The following CNTNAP2 variants were observed in gnomAD, a reference collection of about 807,000 sequenced individuals.
The protein encoded by CNTNAP2 is contactin-associated protein-like 2.
CNTNAP2 carries 98 observed loss-of-function variants against 155.2 expected under a neutral mutation model. That is an observed-to-expected ratio of 0.63 (90% CI 0.54 to 0.75). CNTNAP2 has a LOEUF of 0.75. Among genes scored for constraint, CNTNAP2 ranks in the 30% least tolerant of loss-of-function variants. The pLI is 0.00. For missense variants in CNTNAP2, 1,727 were observed against 1,688.1 expected, an observed-to-expected ratio of 1.02 and a Z score of -0.40; for synonymous variants, 651 against 631.2, an observed-to-expected ratio of 1.03 and a Z score of -0.47.
At chr7:147,524,246 C>G (rs899738792) in intron 11 of CNTNAP2, among the ~76,000 whole-genome samples, 4 of 152,050 alleles carry the variant, frequency 2.6e-5, no homozygotes, top group Non-Finnish European at 5.9e-5. Context: ...CGTGGCTAGC[C>G]GGGCATGGTG....
intron 8 of CNTNAP2, among the ~76,000 whole-genome samples, chr7:147,149,170 T>C (rs1801776140): frequency 6.6e-6 from 1 of 152,164 alleles, no homozygotes; most frequent in African/African-American, 2.4e-5. Context: ...TTGGCCCATT[T>C]TATGGAGTGC....
intron 3 of CNTNAP2, among the ~76,000 whole-genome samples, chr7:146,904,364 G>A (rs1392437729): frequency 3.9e-5 from 6 of 152,102 alleles, no homozygotes; most frequent in South Asian, 4.1e-4. Flanking sequence ...CTGTAATCTC[G>A]CCACGAAATG....
In CNTNAP2 at chr7:148,229,629, T is replaced by C; in HGVS notation, c.3248-17T>C. On this transcript the variant is annotated splice_polypyrimidine_tract_variant and intron_variant, in intron 19 of 23. Coordinates refer to ENST00000361727, the MANE Select transcript of CNTNAP2 (RefSeq NM_014141.6). ...TTAGGGCAAACAAATTACTGAGCTT[T>C]CTTTTTTCTTCTATAGGAAGCTTAC... 6.2e-7 allele frequency: 1 copy of C among 1,614,082 alleles called. No homozygotes were observed. Among genetic ancestry groups the C allele is most frequent in the Non-Finnish European group, 8.5e-7 (1 of 1,179,980 alleles).
chr7:147,305,862 G>A (rs780224022), intron 9 of CNTNAP2, among the ~76,000 whole-genome samples: 53 of 152,166 alleles, frequency 3.5e-4, no homozygotes, highest in Admixed American at 2.7e-3. Context: ...AGGCCCCAGG[G>A]GAGGATCCTT....
intron 3 of CNTNAP2, among the ~76,000 whole-genome samples, chr7:146,921,347 C>T (rs1034159736): frequency 2.6e-5 from 4 of 152,058 alleles, no homozygotes; most frequent in East Asian, 1.9e-4. Flanking sequence ...ACTTGAGATG[C>T]GAATGATGAA....
intron 13 of CNTNAP2, among the ~76,000 whole-genome samples, chr7:147,839,088 A>G (rs532824199): frequency 2.0e-5 from 3 of 152,348 alleles, no homozygotes; most frequent in African/African-American, 7.2e-5. Context: ...GGAAGTAGCC[A>G]GCACAAGAGA....
At chr7:147,589,763 C>A (rs1800702989) in intron 12 of CNTNAP2, among the ~76,000 whole-genome samples, 1 of 152,072 alleles carries the variant, frequency 6.6e-6, no homozygotes, top group African/African-American at 2.4e-5. Flanking sequence ...TTGTAAATGT[C>A]ACCTATTCCA....
intron 1 of CNTNAP2, among the ~76,000 whole-genome samples, chr7:146,690,179 C>T (rs892908526): frequency 6.6e-6 from 1 of 151,932 alleles, no homozygotes; most frequent in Admixed American, 6.6e-5. Context: ...ACCAGTCTTC[C>T]AACAACAGTT....
chr7:147,370,959 C>T (rs1187137019), intron 9 of CNTNAP2, among the ~76,000 whole-genome samples: 2 of 151,912 alleles, frequency 1.3e-5, no homozygotes, highest in Non-Finnish European at 2.9e-5. Flanking sequence ...TTATAAAATA[C>T]TATTTATATG....
At chr7:146,710,670 CT>C (rs1403228586) in intron 1 of CNTNAP2, among the ~76,000 whole-genome samples, 1 of 152,028 alleles carries the variant, frequency 6.6e-6, no homozygotes, top group African/African-American at 2.4e-5. Context: ...CTCTGTTCTC[CT>C]CTCTTATTTA....
chr7:146,472,005 G>T (rs1796806234), intron 1 of CNTNAP2, among the ~76,000 whole-genome samples: 1 of 152,148 alleles, frequency 6.6e-6, no homozygotes, highest in South Asian at 2.1e-4. Context: ...TGTCCCCAAA[G>T]TAGTGAAAAT....
chr7:146,127,493 A>G (rs1453277227), intron 1 of CNTNAP2, among the ~76,000 whole-genome samples: 3 of 152,200 alleles, frequency 2.0e-5, no homozygotes, highest in African/African-American at 4.8e-5. Context: ...ATAAACCACA[A>G]ATATTTTCCT....
intron 3 of CNTNAP2, among the ~76,000 whole-genome samples, chr7:146,969,629 G>T (rs1458942059): frequency 7.3e-6 from 1 of 136,808 alleles, no homozygotes; most frequent in Admixed American, 7.0e-5. Context: ...GACTAGGATT[G>T]CAACCCCTGC....
At chr7:147,710,429 G>A (rs534340879) in intron 13 of CNTNAP2, among the ~76,000 whole-genome samples, 2 of 152,168 alleles carry the variant, frequency 1.3e-5, no homozygotes, top group South Asian at 2.1e-4. Flanking sequence ...CTTCATATAT[G>A]CTATTTATCT....
intron 4 of CNTNAP2, among the ~76,000 whole-genome samples, chr7:147,061,747 T>C (rs745399118): frequency 3.3e-5 from 5 of 152,120 alleles, no homozygotes; most frequent in Non-Finnish European, 7.4e-5. Context: ...TAGCAACCAA[T>C]TACTTTATTT....
At chr7:146,188,726 A>G (rs756268866) in intron 1 of CNTNAP2, among the ~76,000 whole-genome samples, 7 of 152,146 alleles carry the variant, frequency 4.6e-5, no homozygotes, top group Non-Finnish European at 7.3e-5. Flanking sequence ...CCCACCACCA[A>G]CCAAATAATA....
At chr7:146,326,928 T>G (rs1045588607) in intron 1 of CNTNAP2, among the ~76,000 whole-genome samples, 4 of 152,202 alleles carry the variant, frequency 2.6e-5, no homozygotes, top group African/African-American at 7.2e-5. Context: ...AAGAAAATAT[T>G]TCTCTTCCTA....
At chr7:147,490,269 T>C (rs2116646880) in intron 11 of CNTNAP2, among the ~76,000 whole-genome samples, 1 of 152,286 alleles carries the variant, frequency 6.6e-6, no homozygotes, top group African/African-American at 2.4e-5. Context: ...GAAATACTAG[T>C]AAGGAACAGG....
At chr7:146,143,193 A>G (rs925562088) in intron 1 of CNTNAP2, among the ~76,000 whole-genome samples, 1 of 152,090 alleles carries the variant, frequency 6.6e-6, no homozygotes, top group Non-Finnish European at 1.5e-5. Flanking sequence ...GACTTTTCAA[A>G]TTTCCTTCCA....
Sources: allele counts gnomAD v4.1 joint callset (sites outside exome capture counted in the v4.1 genomes callset), GRCh38; gene constraint gnomAD v4.1.1; transcripts MANE v1.5; gene names NCBI Gene and HGNC (gene_info 2026-07-23, HGNC 2026-07-21).